Variants in OXR1 observed in about 807,000 individuals in gnomAD.
OXR1 encodes the protein oxidation resistance protein 1.
OXR1 carries 41 observed loss-of-function variants against 104.6 expected under a neutral mutation model. The observed-to-expected ratio is 0.39, with a 90% CI of 0.31 to 0.51. The LOEUF (loss-of-function observed/expected upper bound fraction) is 0.51. Ranked by LOEUF, OXR1 falls within the 20% of genes least tolerant of loss-of-function variation. The pLI is 0.77. For missense variants in OXR1, 955 were observed against 1,031.9 expected, an observed-to-expected ratio of 0.93 and a Z score of 1.02; for synonymous variants, 348 against 348.4, an observed-to-expected ratio of 1.00 and a Z score of 0.01.
At chr8:106,400,193 C>G (rs1817945295) in intron 2 of OXR1, among the ~76,000 whole-genome samples, 2 of 152,002 alleles carry the variant, frequency 1.3e-5, no homozygotes, top group South Asian at 4.2e-4. Flanking sequence ...GTTTAATGAT[C>G]GTTCAGGTTT....
chr8:106,524,026 T>C (rs764383343), intron 3 of OXR1, among the ~76,000 whole-genome samples: 2 of 152,142 alleles, frequency 1.3e-5, no homozygotes, highest in Non-Finnish European at 2.9e-5. Context: ...TCCATCTGCC[T>C]CGACCTCCCA....
At chr8:106,543,420 G>T (rs1308859981) in intron 3 of OXR1, among the ~76,000 whole-genome samples, 1 of 152,070 alleles carries the variant, frequency 6.6e-6, no homozygotes, top group African/African-American at 2.4e-5. Flanking sequence ...TGTAGAAATT[G>T]TGTCATTCTT....
At chr8:106,716,131 A>G (rs1832223090) in intron 11 of OXR1, among the ~76,000 whole-genome samples, 1 of 152,218 alleles carries the variant, frequency 6.6e-6, no homozygotes, top group Admixed American at 6.5e-5. Flanking sequence ...TACTTTTTCA[A>G]CTGTAAATTT....
intron 3 of OXR1, among the ~76,000 whole-genome samples, chr8:106,582,714 CT>C (rs1187175160): frequency 6.6e-6 from 1 of 152,096 alleles, no homozygotes; most frequent in Admixed American, 6.5e-5. Context: ...TGTTTTTCCT[CT>C]TTTTAGAAAA....
At chr8:106,510,002 C>T (rs1812420439) in intron 2 of OXR1, among the ~76,000 whole-genome samples, 1 of 152,180 alleles carries the variant, frequency 6.6e-6, no homozygotes, top group African/African-American at 2.4e-5. Context: ...GAACTCCTGA[C>T]CTCAAGTGAT....
intron 1 of OXR1, among the ~76,000 whole-genome samples, chr8:106,318,364 T>C (rs552507238): frequency 4.7e-4 from 63 of 135,096 alleles, no homozygotes; most frequent in African/African-American, 1.4e-3. Context: ...AAAGGCAAAG[T>C]CATGGTAATC....
rs373342884 is a variant in OXR1 at position 106,391,557 on chromosome 8, A to G, written c.23+31921A>G. On this transcript the variant is annotated intron_variant, in intron 2 of 16. Transcript: ENST00000517566. ...AATAAAGACACATGCTCCATTTAAA[A>G]TGAGATTTCAAGTCTGTGTCCCTTT... Among the ~76,000 whole-genome samples the G allele has an allele frequency of 3.9e-3, 593 of 152,326 alleles. 2 individuals carry two copies. The highest frequency in any genetic ancestry group is 0.013 in the African/African-American group (561 of 41,588).
intron 2 of OXR1, among the ~76,000 whole-genome samples, chr8:106,511,509 C>G (rs1265420336): frequency 6.6e-6 from 1 of 151,442 alleles, no homozygotes; most frequent in East Asian, 2.0e-4. Flanking sequence ...CAGTCATTCA[C>G]ATGCATTCAT....
At chr8:106,679,125 C>A (rs898198077) in intron 3 of OXR1, 85 bp from the exon 4 acceptor site, 3 of 706,604 alleles carry the variant, frequency 4.2e-6, no homozygotes, top group Admixed American at 5.3e-5. Flanking sequence ...AATTAGACAT[C>A]TGCCCAAAGA....
intron 2 of OXR1, among the ~76,000 whole-genome samples, chr8:106,488,849 A>G (rs1381746298): frequency 7.3e-5 from 11 of 150,670 alleles, no homozygotes; most frequent in African/African-American, 2.7e-4. Flanking sequence ...GTTTGAAGTC[A>G]GGTAGTGTGA....
intron 1 of OXR1, among the ~76,000 whole-genome samples, chr8:106,357,889 G>A (rs995024573): frequency 6.6e-6 from 1 of 152,114 alleles, no homozygotes; most frequent in South Asian, 2.1e-4. Flanking sequence ...AGTCTCAAAC[G>A]TGGTGGCAGA....
intron 2 of OXR1, among the ~76,000 whole-genome samples, chr8:106,380,870 A>G (rs1817118608): frequency 6.6e-6 from 1 of 152,198 alleles, no homozygotes; most frequent in Non-Finnish European, 1.5e-5. Flanking sequence ...TATCAGATAT[A>G]TGATTTCATA....
intron 3 of OXR1, among the ~76,000 whole-genome samples, chr8:106,619,693 A>G (rs3134135): frequency 6.6e-6 from 1 of 151,928 alleles, no homozygotes; most frequent in East Asian, 1.9e-4. Flanking sequence ...TTTTAGTATT[A>G]AACATGGAGC....
At chr8:106,697,821 C>T in intron 7 of OXR1, 1 of 1,612,300 alleles carries the variant, frequency 6.2e-7, no homozygotes, top group Admixed American at 1.7e-5. Context: ...CATTATTGAG[C>T]TCACATAACA....
chr8:106,395,431 A>G (rs2022973), intron 2 of OXR1, among the ~76,000 whole-genome samples: 100,706 of 151,970 alleles, frequency 0.66, 33,588 homozygotes, highest in Middle Eastern at 0.73. Flanking sequence ...CTTACATGGC[A>G]GCAGCAAGAG....
chr8:106,515,234 A>T (rs2130073412), intron 2 of OXR1, among the ~76,000 whole-genome samples: 1 of 152,162 alleles, frequency 6.6e-6, no homozygotes, highest in South Asian at 2.1e-4. Context: ...GTACAAAATG[A>T]TGTTTTGAAA....
intron 1 of OXR1, among the ~76,000 whole-genome samples, chr8:106,346,409 G>A (rs1192424579): frequency 1.3e-5 from 2 of 152,088 alleles, no homozygotes; most frequent in East Asian, 1.9e-4. Flanking sequence ...GGTTGAAAAA[G>A]GAAGCATTCA....
intron 3 of OXR1, 98 bp from the exon 4 acceptor site, chr8:106,679,112 G>A (rs1827892042): frequency 1.6e-6 from 1 of 635,836 alleles, no homozygotes; most frequent in South Asian, 2.3e-5. Flanking sequence ...TGTATTACTA[G>A]TAAATTAGAC....
intron 3 of OXR1, among the ~76,000 whole-genome samples, chr8:106,561,565 G>T (rs776863353): frequency 1.3e-5 from 2 of 152,158 alleles, no homozygotes; most frequent in Admixed American, 1.3e-4. Flanking sequence ...TGACTTAAAC[G>T]TTCCTGTCTG....
Sources: gnomAD v4.1 joint callset for allele counts (sites outside exome capture counted in the v4.1 genomes callset) on GRCh38, gnomAD v4.1.1 for gene constraint, MANE v1.5 for transcripts, NCBI Gene and HGNC (gene_info 2026-07-23, HGNC 2026-07-21) for gene names.